The following SUCLG2 variants were observed in gnomAD, a reference collection of about 807,000 sequenced individuals.
SUCLG2 encodes succinate-CoA ligase GDP-forming subunit beta.
SUCLG2 carries 42 observed loss-of-function variants against 47.9 expected under a neutral mutation model. The observed-to-expected ratio is 0.88, with a 90% CI of 0.69 to 1.14. The LOEUF (loss-of-function observed/expected upper bound fraction) is 1.14. SUCLG2 is among the 50% of genes most tolerant of loss of function. The pLI is 0.00. For synonymous variants in SUCLG2, 195 were observed against 197.3 expected (o/e 0.99, Z 0.10); for missense variants, 571 against 525.9 (o/e 1.09, Z -0.84).
chr3:67,459,755 G>A (rs529458918), intron 9 of SUCLG2, among the ~76,000 whole-genome samples: 1 of 152,304 alleles, frequency 6.6e-6, no homozygotes, highest in South Asian at 2.1e-4. Flanking sequence ...AGGAACACTG[G>A]TGGTAGATAG....
At chr3:67,559,346 CT>C (rs1464740878) in intron 2 of SUCLG2, among the ~76,000 whole-genome samples, 1 of 152,190 alleles carries the variant, frequency 6.6e-6, no homozygotes, top group Non-Finnish European at 1.5e-5. Context: ...AACTGACTCA[CT>C]GTTCCGCATG....
chr3:67,409,591 G>C (rs1702890112), intron 9 of SUCLG2, among the ~76,000 whole-genome samples: 1 of 151,966 alleles, frequency 6.6e-6, no homozygotes, highest in Non-Finnish European at 1.5e-5. Context: ...CCTAACTTTG[G>C]AGTTACATGA....
At chr3:67,563,256 TA>T (rs1374505792) in intron 2 of SUCLG2, among the ~76,000 whole-genome samples, 2 of 152,166 alleles carry the variant, frequency 1.3e-5, no homozygotes, top group African/African-American at 4.8e-5. Context: ...TTTGGGATTC[TA>T]ACTGCTGTGA....
At position 67,607,063 on chromosome 3, in the gene SUCLG2, C is replaced by T. The variant is rs1442922538; in HGVS notation, c.226+2392G>A. ...ATATGGAGAGTGCTTCTATCCTAAA[C>T]TCTCAACCTGTGCTACTGATACCTG... On this transcript the variant is annotated intron_variant, in intron 2 of 10. Coordinates refer to ENST00000307227, the MANE Select transcript of SUCLG2 (RefSeq NM_003848.4). Among the ~76,000 whole-genome samples the T allele has an allele frequency of 4.6e-5, 7 of 152,180 alleles. No homozygotes were observed. The East Asian group carries it at 5.8e-4, about 13-fold the overall frequency.
In SUCLG2 at chr3:67,487,456, A is replaced by T. The variant is rs750025424; in HGVS notation, c.1062+8342T>A. On this transcript the variant is annotated intron_variant, in intron 9 of 10. Transcript: ENST00000307227. ...AAGATGTGGGAAAACATGACTGATG[A>T]CATAAATAAAACTGCCCATTCCCTT... Among the ~76,000 whole-genome samples, 143 of 151,934 alleles carry T rather than the reference A, an allele frequency of 9.4e-4. 1 individual carries two copies. The highest frequency in any genetic ancestry group is 1.3e-3 in the Non-Finnish European group (91 of 67,934).
chr3:67,465,390 C>T (rs1217145236), intron 9 of SUCLG2, among the ~76,000 whole-genome samples: 2 of 152,154 alleles, frequency 1.3e-5, no homozygotes, highest in African/African-American at 2.4e-5. Context: ...TTTGCTTTTC[C>T]GCTGCTCTTT....
chr3:67,495,702 T>A, intron 9 of SUCLG2, 96 bp downstream of exon 9: 17 of 1,289,192 alleles, frequency 1.3e-5, no homozygotes, highest in Non-Finnish European at 1.9e-5. Flanking sequence ...AGAGTACACA[T>A]ATTGACTTAT....
At chr3:67,405,809 C>T (rs1702791978) in intron 9 of SUCLG2, among the ~76,000 whole-genome samples, 1 of 152,180 alleles carries the variant, frequency 6.6e-6, no homozygotes. Context: ...ATCACAAATA[C>T]AACCATAATT....
At chr3:67,576,374 G>A (rs901378994) in intron 2 of SUCLG2, among the ~76,000 whole-genome samples, 39 of 152,086 alleles carry the variant, frequency 2.6e-4, no homozygotes, top group African/African-American at 9.2e-4. Flanking sequence ...TTTCATGTGG[G>A]CCAGTAAACA....
intron 2 of SUCLG2, among the ~76,000 whole-genome samples, chr3:67,537,100 T>C (rs974146668): frequency 1.3e-5 from 2 of 152,130 alleles, no homozygotes; most frequent in African/African-American, 4.8e-5. Context: ...GCCTGCTGGT[T>C]TGTTACATAG....
At chr3:67,393,685 G>A (rs926506304) in intron 10 of SUCLG2, among the ~76,000 whole-genome samples, 170 of 152,104 alleles carry the variant, frequency 1.1e-3, no homozygotes, top group Non-Finnish European at 1.9e-3. Flanking sequence ...CTCCTGGCAC[G>A]CAGCTGGAGA....
At chr3:67,401,707 A>G (rs1702687721) in intron 9 of SUCLG2, among the ~76,000 whole-genome samples, 1 of 152,194 alleles carries the variant, frequency 6.6e-6, no homozygotes, top group Non-Finnish European at 1.5e-5. Flanking sequence ...ACACCCACAG[A>G]AAAATGGCTG....
At chr3:67,481,184 T>C (rs77091855) in intron 9 of SUCLG2, among the ~76,000 whole-genome samples, 4,033 of 152,336 alleles carry the variant, frequency 0.026, 55 homozygotes, top group Middle Eastern at 0.071. Flanking sequence ...TCCTCTTGCA[T>C]GTCATGGCAA....
At position 67,549,897 on chromosome 3, in the gene SUCLG2, G is replaced by T. The variant is rs141239057; in HGVS notation, c.227-20711C>A. Among the ~76,000 whole-genome samples the T allele has an allele frequency of 7.2e-5, 11 of 151,848 alleles. No individual in the cohort carries two copies. The East Asian group carries it at 2.1e-3, about 29-fold the overall frequency. Reference sequence around the variant, plus strand: ...AAATTTGCTACAAGGAACGTATATTGTATCTGCAAATGGGGAAAATGACAG... The same window carrying T: ...AAATTTGCTACAAGGAACGTATATTTTATCTGCAAATGGGGAAAATGACAG... On this transcript the variant is annotated intron_variant, in intron 2 of 10. Transcript: ENST00000307227.
intron 2 of SUCLG2, among the ~76,000 whole-genome samples, chr3:67,558,788 G>T (rs1707228169): frequency 6.6e-6 from 1 of 152,166 alleles, no homozygotes; most frequent in African/African-American, 2.4e-5. Context: ...GAGGGCTGGA[G>T]AAAGGGTCGC....
chr3:67,384,353 C>T (rs1403802482), intron 10 of SUCLG2, among the ~76,000 whole-genome samples: 1 of 152,198 alleles, frequency 6.6e-6, no homozygotes, highest in Non-Finnish European at 1.5e-5. Flanking sequence ...GATCTGCAAG[C>T]TATAGCTCAC....
chr3:67,518,610 G>T (rs570757312), intron 5 of SUCLG2, among the ~76,000 whole-genome samples: 3 of 152,308 alleles, frequency 2.0e-5, no homozygotes, highest in African/African-American at 7.2e-5. Flanking sequence ...TTACTATACA[G>T]ATGGCATTGA....
At chr3:67,414,881 A>G (rs951794622) in intron 9 of SUCLG2, among the ~76,000 whole-genome samples, 11 of 152,230 alleles carry the variant, frequency 7.2e-5, no homozygotes, top group Middle Eastern at 6.8e-3. Context: ...ATGAGATGCA[A>G]TCTTGGCTCT....
chr3:67,526,396 T>C (rs1056481400), intron 4 of SUCLG2, among the ~76,000 whole-genome samples: 12 of 152,174 alleles, frequency 7.9e-5, no homozygotes, highest in Non-Finnish European at 1.5e-4. Flanking sequence ...GGGCCGTGGG[T>C]TGGACAAGCC....
Sources: allele counts gnomAD v4.1 joint callset (sites outside exome capture counted in the v4.1 genomes callset), GRCh38; gene constraint gnomAD v4.1.1; transcripts MANE v1.5; gene names NCBI Gene and HGNC (gene_info 2026-07-23, HGNC 2026-07-21).